MARCHF8: variants seen among roughly 807,000 people sequenced by gnomAD.
The protein encoded by MARCHF8 is E3 ubiquitin-protein ligase MARCHF8.
MARCHF8 carries 40 observed loss-of-function variants against 51.6 expected under a neutral mutation model. The ratio of observed to expected loss-of-function variants is 0.77; its 90% CI spans 0.60 to 1.01. The LOEUF (loss-of-function observed/expected upper bound fraction) is 1.01. MARCHF8 is among the 50% of genes least tolerant of loss of function. The pLI is 0.00. For missense variants in MARCHF8, 685 were observed against 708.6 expected, an observed-to-expected ratio of 0.97 and a Z score of 0.38; for synonymous variants, 263 against 280.3, an observed-to-expected ratio of 0.94 and a Z score of 0.62.
rs2306814 is a variant in MARCHF8 at position 45,464,552 on chromosome 10, C to A, written c.154-225G>T. 3.8e-3 allele frequency among the ~76,000 whole-genome samples: 574 copies of A among 152,360 alleles called. 11 individuals are homozygous for A. In the East Asian group the frequency reaches 0.052, roughly 14 times the overall value. ...GTAAGAAATGTCTAAGGCTATGGAACACCACTACTAATCTCTTGCAGGTCC... is the reference window on the plus strand; with the variant it reads ...GTAAGAAATGTCTAAGGCTATGGAAAACCACTACTAATCTCTTGCAGGTCC... On this transcript the variant is annotated intron_variant, in intron 3 of 7. Coordinates refer to ENST00000453424, the MANE Select transcript of MARCHF8 (RefSeq NM_001282866.2).
At chr10:45,515,554 C>A (rs1302641041) in intron 2 of MARCHF8, among the ~76,000 whole-genome samples, 3 of 152,126 alleles carry the variant, frequency 2.0e-5, no homozygotes. Flanking sequence ...ACTTCTAGTT[C>A]CTATTATACT....
chr10:45,485,945 A>G (rs937385928), intron 3 of MARCHF8, among the ~76,000 whole-genome samples: 10 of 152,184 alleles, frequency 6.6e-5, no homozygotes, highest in Non-Finnish European at 1.5e-4. Flanking sequence ...CTGGCTTCAA[A>G]CAGCAGGTTC....
intron 5 of MARCHF8, chr10:45,462,047 T>C (rs554574194): frequency 1.3e-5 from 2 of 152,230 alleles, no homozygotes; most frequent in South Asian, 4.1e-4. Flanking sequence ...CAAGGAAGTA[T>C]GCAACAAGGT....
chr10:45,543,803 A>C lies in MARCHF8; in HGVS notation c.-78-10514T>G, dbSNP rs968148095. Among the ~76,000 whole-genome samples the C allele has an allele frequency of 4.2e-4, 64 of 150,898 alleles. 1 individual carries two copies. The highest frequency in any genetic ancestry group is 8.1e-4 in the Non-Finnish European group (55 of 67,642). The stretch of plus-strand genomic sequence containing the variant: ...ACAGAGTGAGACTCCGTCTCAAAAA[A>C]AAAAAAAAAAAAAAAAAGACTTGTA... On this transcript the variant is annotated intron_variant, in intron 1 of 6. Coordinates refer to the MARCHF8 transcript ENST00000319836.
chr10:45,529,254 C>T (rs749377153), intron 2 of MARCHF8, among the ~76,000 whole-genome samples: 3 of 152,114 alleles, frequency 2.0e-5, no homozygotes, highest in Non-Finnish European at 4.4e-5. Context: ...ATTGGGTAAC[C>T]ATATACAGTA....
chr10:45,475,552 C>T (rs1455689727), intron 3 of MARCHF8, among the ~76,000 whole-genome samples: 2 of 152,220 alleles, frequency 1.3e-5, no homozygotes, highest in Non-Finnish European at 2.9e-5. Context: ...ATTACCGCCA[C>T]ATCTAGCACT....
At chr10:45,480,197 T>C (rs2042860401) in intron 3 of MARCHF8, among the ~76,000 whole-genome samples, 1 of 152,174 alleles carries the variant, frequency 6.6e-6, no homozygotes, top group African/African-American at 2.4e-5. Context: ...CACCAAAGCA[T>C]TCAGGAAGTG....
At chr10:45,539,390 A>C (rs1450734354), upstream of MARCHF8, among the ~76,000 whole-genome samples, 1 of 152,220 alleles carries the variant, frequency 6.6e-6, no homozygotes, top group African/African-American at 2.4e-5. Context: ...TTGACACCTT[A>C]ACATCACAAT....
intron 2 of MARCHF8, among the ~76,000 whole-genome samples, chr10:45,520,710 T>C (rs2043692453): frequency 6.6e-6 from 1 of 152,174 alleles, no homozygotes; most frequent in Non-Finnish European, 1.5e-5. Flanking sequence ...AATACCAATG[T>C]GAGATTAAAA....
intron 2 of MARCHF8, among the ~76,000 whole-genome samples, chr10:45,523,562 A>G (rs943802665): frequency 3.3e-5 from 5 of 152,158 alleles, no homozygotes; most frequent in Non-Finnish European, 4.4e-5. Context: ...ATAAATAAAT[A>G]TATTTGAGTG....
intron 2 of MARCHF8, among the ~76,000 whole-genome samples, chr10:45,520,814 T>G (rs2043693662): frequency 6.6e-6 from 1 of 152,176 alleles, no homozygotes; most frequent in Non-Finnish European, 1.5e-5. Context: ...ACAAAATATT[T>G]TATGAGGATT....
chr10:45,568,364 G>C (rs1195458975), intron 1 of MARCHF8, among the ~76,000 whole-genome samples: 6 of 152,054 alleles, frequency 3.9e-5, no homozygotes, highest in Non-Finnish European at 5.9e-5. Flanking sequence ...TTGGAGCAAG[G>C]GTGTCCAATT....
intron 2 of MARCHF8, among the ~76,000 whole-genome samples, chr10:45,500,542 G>C (rs1389822001): frequency 1.3e-5 from 2 of 152,034 alleles, no homozygotes; most frequent in African/African-American, 4.8e-5. Flanking sequence ...TTTCGCCAAT[G>C]ACTATAATGT....
At chr10:45,561,220 C>G (rs1315282016) in intron 1 of MARCHF8, among the ~76,000 whole-genome samples, 1 of 150,706 alleles carries the variant, frequency 6.6e-6, no homozygotes, top group East Asian at 1.9e-4. Flanking sequence ...GCAGAAAGAA[C>G]AAACATCAGA....
intron 4 of MARCHF8, 81 bp from the exon 5 acceptor site, chr10:45,464,077 G>C: frequency 6.7e-7 from 1 of 1,503,016 alleles, no homozygotes; most frequent in Non-Finnish European, 8.9e-7. Context: ...GAAGAAATGA[G>C]ACTAGCATGG....
intron 1 of MARCHF8, among the ~76,000 whole-genome samples, chr10:45,587,552 G>A (rs538784628): frequency 6.6e-6 from 1 of 152,158 alleles, no homozygotes; most frequent in South Asian, 2.1e-4. Flanking sequence ...ACCACAAGTT[G>A]TTTTCTTTTT....
At chr10:45,480,581 G>A (rs1415670757) in intron 3 of MARCHF8, among the ~76,000 whole-genome samples, 5 of 152,298 alleles carry the variant, frequency 3.3e-5, no homozygotes, top group African/African-American at 7.2e-5. Context: ...AAGGATACAA[G>A]CAGCCAGGGT....
At chr10:45,584,141 ATATAT>A (rs1252996187) in intron 1 of MARCHF8, among the ~76,000 whole-genome samples, 4 of 121,224 alleles carry the variant, frequency 3.3e-5, no homozygotes, top group African/African-American at 1.5e-4. Context: ...ATATATATAT[ATATAT>A]ATATATATAT....
rs1385988079 is a variant in MARCHF8 at position 45,581,937 on chromosome 10, C to T, written c.-79+12298G>A. On this transcript the variant is annotated intron_variant, in intron 1 of 6. Coordinates refer to the MARCHF8 transcript ENST00000319836. ...AACTGAGAACAGTACTTAGGCACTT[C>T]AACCAAAAAAAAAAAAAAAGCAGAT... Among the ~76,000 whole-genome samples, 16 of 131,404 alleles carry T rather than the reference C, an allele frequency of 1.2e-4. No homozygotes were observed. In the East Asian group the frequency reaches 3.2e-3, roughly 27 times the overall value. 86.2% of individuals were successfully genotyped at this position (131,404 alleles called of 152,430 possible).
Sources: gnomAD v4.1 joint callset for allele counts (sites outside exome capture counted in the v4.1 genomes callset) on GRCh38, gnomAD v4.1.1 for gene constraint, MANE v1.5 for transcripts, NCBI Gene and HGNC (gene_info 2026-07-23, HGNC 2026-07-21) for gene names.